Variants in FANCE observed in about 807,000 individuals in gnomAD.
The protein encoded by FANCE is Fanconi anemia group E protein.
Under a neutral mutation model 57.8 loss-of-function variants are expected in FANCE, and 42 were observed. That is an observed-to-expected ratio of 0.73 (90% CI 0.57 to 0.94). FANCE has a LOEUF of 0.94. FANCE is among the 40% of genes least tolerant of loss of function. FANCE has a pLI of 0.00. For synonymous variants in FANCE, 251 were observed against 286.4 expected (o/e 0.88, Z 1.25); for missense variants, 608 against 661.8 (o/e 0.92, Z 0.89).
intron 8 of FANCE, among the ~76,000 whole-genome samples, chr6:35,461,650 C>CT (rs71540107): frequency 0.081 from 11,386 of 140,756 alleles, 607 homozygotes; most frequent in East Asian, 0.21. Flanking sequence ...GACCTAACTT[C>CT]TTTTTTTTTT....
intron 8 of FANCE, among the ~76,000 whole-genome samples, chr6:35,462,270 G>A (rs1305246068): frequency 1.3e-5 from 2 of 151,930 alleles, no homozygotes; most frequent in African/African-American, 4.8e-5. Flanking sequence ...ACCACGCCCG[G>A]CTAATTTTTG....
chr6:35,456,201 G>C lies in FANCE; in HGVS notation c.703G>C (p.Glu235Gln). 1.2e-6 allele frequency: 2 copies of C among 1,614,126 alleles called. No homozygotes were observed. Among genetic ancestry groups the C allele is most frequent in the East Asian group, 4.5e-5 (2 of 44,876 alleles). The change falls in exon 2 of 10, where the codon GAA becomes CAA. Residue 235 changes from glutamate to glutamine, a missense_variant. Physicochemically the swap from Glu to Gln is conservative, Grantham distance 29. Transcript: ENST00000229769. This position sits in a 1 kb window ranked among gnomAD's most constrained non-coding sequence, Gnocchi z 4.3. ...EEEDHEKERPEHKSLESLADG... is the reference protein window; with the variant it reads ...EEEDHEKERPQHKSLESLADG... ...AGAAGATCATGAGAAGGAGAGACCC[G>C]AACATAAGTCACTGGAATCCCTGGC...
At position 35,456,237 on chromosome 6, in the gene FANCE, A is replaced by G. The variant is rs1767336489; in HGVS notation, c.739A>G (p.Ser247Gly). The G allele has an allele frequency of 2.5e-6, 4 of 1,614,192 alleles. No homozygotes were observed. Among genetic ancestry groups the G allele is most frequent in the Non-Finnish European group, 2.5e-6 (3 of 1,180,026 alleles). Reference sequence around the variant, plus strand: ...ACTGGAATCCCTGGCAGATGGAGGAAGTGCATCTCCTATTAAGGACCAGCC... The same window carrying G: ...ACTGGAATCCCTGGCAGATGGAGGAGGTGCATCTCCTATTAAGGACCAGCC... ...KSLESLADGGSASPIKDQPVM... is the reference protein window; with the variant it reads ...KSLESLADGGGASPIKDQPVM... Residue 247 changes from serine (S) to glycine (G), a missense_variant, in exon 2 of 10, where the codon AGT (serine) becomes GGT (glycine). Physicochemically the swap from Ser to Gly is moderately conservative, Grantham distance 56. Transcript: ENST00000229769. This position sits in a 1 kb window ranked among gnomAD's most constrained non-coding sequence, Gnocchi z 4.3.
rs974493628 is a variant in FANCE, at chr6:35,456,777, T to C, written c.855+424T>C. 6.6e-6 allele frequency among the ~76,000 whole-genome samples: 1 copy of C among 151,974 alleles called. No homozygotes were observed. Among genetic ancestry groups the C allele is most frequent in the Non-Finnish European group, 1.5e-5 (1 of 67,980 alleles). On this transcript the variant is annotated intron_variant, in intron 2 of 9. Transcript: ENST00000229769. This position sits in a 1 kb window ranked among gnomAD's most constrained non-coding sequence, Gnocchi z 4.3. ...GATCCGCCCACCTTGGCCTCCAAAG[T>C]GTTGGGATAACAGGTGTGAGCCACC...
In FANCE at chr6:35,452,483, C is replaced by G; in HGVS notation, c.-63C>G. On this transcript the variant is annotated 5_prime_UTR_variant, in exon 1 of 10. Transcript: ENST00000229769. The stretch of plus-strand genomic sequence containing the variant: ...GGACGGCGCTGGAGTCCTCCGTTCC[C>G]CTCAGCCTCTGAGCTGAGGCCCCAC... The G allele has an allele frequency of 2.5e-6, 3 of 1,217,842 alleles. No homozygotes were observed. The highest frequency in any genetic ancestry group is 2.0e-6 in the Non-Finnish European group (2 of 977,486). The allele number at this position is 1,217,842 out of a possible 1,614,324, so 75.4% of individuals were successfully genotyped here. A position where few individuals can be genotyped will look rare whatever the true frequency, so the allele number is the denominator to read the frequency against.
rs3800376 is a variant in FANCE, at chr6:35,458,213, T to C, written c.970-84T>C. Reference sequence around the variant, plus strand: ...CCTGGAGTATCTTTGCCCTGCTCTGTCTGCTGTCCAGTTGCTTGAGACAGC... The same window carrying C: ...CCTGGAGTATCTTTGCCCTGCTCTGCCTGCTGTCCAGTTGCTTGAGACAGC... On this transcript the variant is annotated intron_variant, in intron 4 of 9. Coordinates refer to ENST00000229769, the MANE Select transcript of FANCE (RefSeq NM_021922.3). 62,026 of 1,563,718 alleles carry C rather than the reference T, an allele frequency of 0.04. 3,969 individuals are homozygous for C. Among genetic ancestry groups the C allele is most frequent in the African/African-American group, 0.24 (17,380 of 73,936 alleles).
At position 35,455,835 on chromosome 6, in the gene FANCE, G is replaced by C; in HGVS notation, c.337G>C (p.Gly113Arg). 2 of 1,614,186 alleles carry C rather than the reference G, an allele frequency of 1.2e-6. No individual in the cohort carries two copies. Among genetic ancestry groups the C allele is most frequent in the South Asian group, 2.2e-5 (2 of 91,088 alleles). The change falls in exon 2 of 10, where the codon GGG (glycine) becomes CGG (arginine). Residue 113 changes from glycine to arginine, a missense_variant. Gly to Arg is a moderately radical substitution (Grantham distance 125, BLOSUM62 -2). Transcript: ENST00000229769. ...MAVRPSLPES[G>R]LLSVLQIAQQ... is the part of the protein sequence containing the mutation. Reference sequence around the variant, plus strand: ...CGTTCGGCCATCGCTGCCGGAAAGTGGGCTCCTCTCTGTGCTGCAGATTGC... The same window carrying C: ...CGTTCGGCCATCGCTGCCGGAAAGTCGGCTCCTCTCTGTGCTGCAGATTGC...
intron 3 of FANCE, 138 bp from the exon 4 acceptor site, chr6:35,457,778 T>C: frequency 5.9e-6 from 6 of 1,016,938 alleles, no homozygotes; most frequent in Non-Finnish European, 9.2e-6. Flanking sequence ...AGACTTACCA[T>C]CTAACCCCAG....
chr6:35,458,156 C>A, intron 4 of FANCE, 141 bp from the exon 5 acceptor site: 1 of 1,310,388 alleles, frequency 7.6e-7, no homozygotes, highest in Non-Finnish European at 1.1e-6. Flanking sequence ...TTGGTTCCTT[C>A]CCCTAGGGCA....
chr6:35,462,860 C>T lies in FANCE; in HGVS notation c.1455C>T (p.Thr485=), dbSNP rs2150901561. 5.0e-6 allele frequency: 8 copies of T among 1,614,246 alleles called. No homozygotes were observed. The highest frequency in any genetic ancestry group is 5.9e-6 in the Non-Finnish European group (7 of 1,180,044). ...KLCKKGLAAT[T]SMAYAKLMLT... is the part of the protein sequence containing the mutation. ...GTAAAAAGGGGCTGGCAGCCACCAC[C>T]TCCATGGCCTATGCCAAGCTCATGC... Residue 485 remains threonine, a synonymous_variant, in exon 9 of 10, where the codon ACC becomes ACT. Coordinates refer to ENST00000229769, the MANE Select transcript of FANCE (RefSeq NM_021922.3).
intron 4 of FANCE, 143 bp from the exon 5 acceptor site, chr6:35,458,154 T>G: frequency 7.7e-7 from 1 of 1,306,612 alleles, no homozygotes; most frequent in Non-Finnish European, 1.1e-6. Context: ...CCTTGGTTCC[T>G]TCCCCTAGGG....
At chr6:35,454,258 C>G (rs1312604975) in intron 1 of FANCE, among the ~76,000 whole-genome samples, 1 of 152,100 alleles carries the variant, frequency 6.6e-6, no homozygotes, top group African/African-American at 2.4e-5. Context: ...GATAGAGTTT[C>G]ACCATATTGG....
intron 9 of FANCE, 74 bp downstream of exon 9, chr6:35,462,988 T>C: frequency 6.2e-7 from 1 of 1,601,376 alleles, no homozygotes; most frequent in Non-Finnish European, 8.5e-7. Flanking sequence ...GGTGTATGAA[T>C]ATGTATGTCA....
chr6:35,458,181 T>C, intron 4 of FANCE, 116 bp from the exon 5 acceptor site: 1 of 1,462,262 alleles, frequency 6.8e-7, no homozygotes, highest in Non-Finnish European at 9.5e-7. Context: ...TCCCAGACTT[T>C]CTTTGCCCTG....
intron 8 of FANCE, among the ~76,000 whole-genome samples, chr6:35,462,459 C>T (rs1767631964): frequency 6.6e-6 from 1 of 152,040 alleles, no homozygotes; most frequent in African/African-American, 2.4e-5. Flanking sequence ...TCTCTTGGGC[C>T]CTGGGTCCTT....
chr6:35,461,127 G>A (rs966909992), intron 8 of FANCE, among the ~76,000 whole-genome samples: 1 of 150,094 alleles, frequency 6.7e-6, no homozygotes, highest in African/African-American at 2.5e-5. Context: ...CATGACCTGA[G>A]GCCAGAACTC....
In FANCE at chr6:35,455,838, C is replaced by G. The variant is rs1342245005; in HGVS notation, c.340C>G (p.Leu114Val). 6.8e-6 allele frequency: 11 copies of G among 1,614,096 alleles called. No homozygotes were observed. The highest frequency in any genetic ancestry group is 9.3e-6 in the Non-Finnish European group (11 of 1,180,054). The change falls in exon 2 of 10, where the codon CTC (leucine) becomes GTC (valine). Residue 114 changes from leucine to valine, a missense_variant. Physicochemically the swap from Leu to Val is conservative, Grantham distance 32. Coordinates refer to ENST00000229769, the MANE Select transcript of FANCE (RefSeq NM_021922.3). ...TCGGCCATCGCTGCCGGAAAGTGGGCTCCTCTCTGTGCTGCAGATTGCCCA... is the reference window on the plus strand; with the variant it reads ...TCGGCCATCGCTGCCGGAAAGTGGGGTCCTCTCTGTGCTGCAGATTGCCCA... ...AVRPSLPESGLLSVLQIAQQD... is the reference protein window; with the variant it reads ...AVRPSLPESGVLSVLQIAQQD...
intron 8 of FANCE, among the ~76,000 whole-genome samples, chr6:35,461,541 G>T (rs542418609): frequency 3.6e-4 from 55 of 152,142 alleles, no homozygotes; most frequent in Non-Finnish European, 5.6e-4. Context: ...CAAACTCAGT[G>T]CCCTGTAGGT....
Position 35,466,972 on chromosome 6 carries a change from T to A in FANCE, c.*627T>A, listed in dbSNP as rs1002633664. 9 of 227,414 alleles carry A rather than the reference T, an allele frequency of 4.0e-5. No homozygotes were observed. The highest frequency in any genetic ancestry group is 2.0e-4 in the African/African-American group (9 of 44,734). 14.1% of individuals were successfully genotyped at this position (227,414 alleles called of 1,614,324 possible). A position where few individuals can be genotyped will look rare whatever the true frequency, so the allele number is the denominator to read the frequency against. On this transcript the variant is annotated 3_prime_UTR_variant, in exon 10 of 10. Coordinates refer to ENST00000229769, the MANE Select transcript of FANCE (RefSeq NM_021922.3). The stretch of plus-strand genomic sequence containing the variant: ...AAGCCGACCCAGAGTGGGCATGGGA[T>A]GCTCCAGGAGGTCTGGGGTACCAGT...
Sources: allele counts gnomAD v4.1 joint callset (sites outside exome capture counted in the v4.1 genomes callset), GRCh38; gene constraint gnomAD v4.1.1; non-coding constraint Gnocchi (gnomAD v3.1); transcripts MANE v1.5; gene names NCBI Gene and HGNC (gene_info 2026-07-23, HGNC 2026-07-21).